Variants in PLEKHA5 observed in about 807,000 individuals in gnomAD.
The protein encoded by PLEKHA5 is pleckstrin homology domain containing A5, also known as pleckstrin homology domain-containing family A member 5.
Under a neutral mutation model 181.9 loss-of-function variants are expected in PLEKHA5, and 55 were observed. That is an observed-to-expected ratio of 0.30 (90% confidence interval 0.24 to 0.38). The LOEUF (loss-of-function observed/expected upper bound fraction) is 0.38. Ranked by LOEUF, PLEKHA5 falls within the 10% of genes least tolerant of loss-of-function variation. The probability of loss-of-function intolerance (pLI) is 1.00; values close to 1 mark genes in which losing one functional copy is unlikely to be tolerated. For missense variants in PLEKHA5, 1,432 were observed against 1,549.5 expected, an observed-to-expected ratio of 0.92 and a Z score of 1.27; for synonymous variants, 535 against 529.4, an observed-to-expected ratio of 1.01 and a Z score of -0.15.
chr12:19,196,336 A>G (rs2052726726), intron 3 of PLEKHA5, among the ~76,000 whole-genome samples: 1 of 152,226 alleles, frequency 6.6e-6, no homozygotes, highest in African/African-American at 2.4e-5. Context: ...AAAATCTTGT[A>G]TATTGTTAAA....
At chr12:19,290,291 A>G (rs181430106) in intron 13 of PLEKHA5, among the ~76,000 whole-genome samples, 2 of 152,322 alleles carry the variant, frequency 1.3e-5, no homozygotes, top group East Asian at 3.9e-4. Flanking sequence ...AGGTATTTGT[A>G]CTATTGCTGG....
At chr12:19,222,590 A>C (rs1430765563) in intron 3 of PLEKHA5, among the ~76,000 whole-genome samples, 1 of 152,216 alleles carries the variant, frequency 6.6e-6, no homozygotes, top group Non-Finnish European at 1.5e-5. Flanking sequence ...TCAATTAATA[A>C]TATATAAATA....
intron 7 of PLEKHA5, among the ~76,000 whole-genome samples, chr12:19,263,983 T>C (rs866227229): frequency 6.6e-6 from 1 of 152,118 alleles, no homozygotes; most frequent in Non-Finnish European, 1.5e-5. Flanking sequence ...AGGCTTGATA[T>C]AGAACTAAAC....
At chr12:19,241,009 A>G (rs2062472229) in intron 3 of PLEKHA5, among the ~76,000 whole-genome samples, 1 of 152,184 alleles carries the variant, frequency 6.6e-6, no homozygotes, top group Non-Finnish European at 1.5e-5. Context: ...ATTCAACAGT[A>G]AACTTTAACC....
intron 11 of PLEKHA5, among the ~76,000 whole-genome samples, chr12:19,280,850 A>G (rs910317751): frequency 2.6e-5 from 4 of 151,338 alleles, no homozygotes; most frequent in Non-Finnish European, 4.4e-5. Flanking sequence ...AGCTGGAACT[A>G]CAGGCGTGCG....
intron 3 of PLEKHA5, among the ~76,000 whole-genome samples, chr12:19,217,686 C>T (rs548778214): frequency 4.6e-5 from 7 of 152,168 alleles, no homozygotes; most frequent in African/African-American, 1.7e-4. Context: ...TCAAAAGCTG[C>T]GTAGACATCA....
chr12:19,224,992 A>T (rs554810681), intron 3 of PLEKHA5, among the ~76,000 whole-genome samples: 1 of 152,288 alleles, frequency 6.6e-6, no homozygotes, highest in South Asian at 2.1e-4. Context: ...GCAAGACCTC[A>T]TCGCCATAAA....
intron 11 of PLEKHA5, among the ~76,000 whole-genome samples, chr12:19,276,725 G>A (rs1173426829): frequency 1.3e-5 from 2 of 152,174 alleles, no homozygotes; most frequent in Non-Finnish European, 2.9e-5. Context: ...GGCAACTAGG[G>A]TGATTTGGTG....
chr12:19,253,537 C>T (rs1478198370), intron 3 of PLEKHA5, among the ~76,000 whole-genome samples: 1 of 151,992 alleles, frequency 6.6e-6, no homozygotes, highest in Non-Finnish European at 1.5e-5. Context: ...AGGCTGGCGG[C>T]CAGGTGCCGT....
intron 11 of PLEKHA5, among the ~76,000 whole-genome samples, chr12:19,282,442 G>A: frequency 6.6e-6 from 1 of 152,150 alleles, no homozygotes; most frequent in Admixed American, 6.5e-5. Flanking sequence ...GAAAAGCTAT[G>A]AAAGGAAGTT....
chr12:19,352,934 C>G (rs2094686421), intron 25 of PLEKHA5, among the ~76,000 whole-genome samples: 1 of 149,976 alleles, frequency 6.7e-6, no homozygotes, highest in Admixed American at 6.7e-5. Flanking sequence ...AGGTGTACAC[C>G]ACCACACCCA....
chr12:19,173,169 G>A (rs1182517092), intron 3 of PLEKHA5, among the ~76,000 whole-genome samples: 3 of 149,280 alleles, frequency 2.0e-5, no homozygotes, highest in Non-Finnish European at 4.5e-5. Flanking sequence ...GACTACAGGC[G>A]CCCGCCACCG....
chr12:19,336,451 T>G, intron 20 of PLEKHA5, 64 bp from the exon 21 acceptor site: 1 of 805,582 alleles, frequency 1.2e-6, no homozygotes, highest in Middle Eastern at 2.3e-4. Context: ...AAGTTACAAT[T>G]GGAGTGATAA....
chr12:19,164,135 G>C (rs1035263856), intron 3 of PLEKHA5, among the ~76,000 whole-genome samples: 1 of 150,770 alleles, frequency 6.6e-6, no homozygotes, highest in Non-Finnish European at 1.5e-5. Flanking sequence ...TTCTGAAAAG[G>C]CTTCTTTTAA....
chr12:19,171,910 C>T (rs1298914237), intron 3 of PLEKHA5, among the ~76,000 whole-genome samples: 1 of 152,112 alleles, frequency 6.6e-6, no homozygotes, highest in African/African-American at 2.4e-5. Context: ...ATTCTACCAC[C>T]ACATCTTGTC....
chr12:19,343,448 G>A lies in PLEKHA5; in HGVS notation c.2662+14G>A, dbSNP rs1334954055. 6.9e-7 allele frequency: 1 copy of A among 1,455,344 alleles called. No homozygotes were observed. The highest frequency in any genetic ancestry group is 9.6e-7 in the Non-Finnish European group (1 of 1,036,322). The allele number at this position is 1,455,344 out of a possible 1,614,324, so 90.2% of individuals were successfully genotyped here. ...CTACAGAAATAGGTAAATTAGCTTT[G>A]CATTTTATTTTGTGACTGACCACAG... On this transcript the variant is annotated intron_variant, in intron 22 of 31. Coordinates refer to ENST00000429027, the MANE Select transcript of PLEKHA5 (RefSeq NM_001256470.2).
rs1222333808 is a variant in PLEKHA5, at chr12:19,307,214, A to G, written c.2038-7600A>G. 15 of 580,220 alleles carry G rather than the reference A, an allele frequency of 2.6e-5. No homozygotes were observed. In the Admixed American group the frequency reaches 3.3e-4, roughly 13 times the overall value. The allele number at this position is 580,220 out of a possible 1,614,324, so 35.9% of individuals were successfully genotyped here. ...GGGGCCCCACATGGTGGCTCAGGCCAGTAATCCCAGAGCTTTGGGAGGCTG... is the reference window on the plus strand; with the variant it reads ...GGGGCCCCACATGGTGGCTCAGGCCGGTAATCCCAGAGCTTTGGGAGGCTG... On this transcript the variant is annotated intron_variant, in intron 15 of 31. Transcript: ENST00000429027.
intron 3 of PLEKHA5, among the ~76,000 whole-genome samples, chr12:19,212,451 C>T (rs1173013570): frequency 3.3e-5 from 5 of 152,118 alleles, no homozygotes; most frequent in African/African-American, 2.4e-5. Flanking sequence ...GAGGCCGAGG[C>T]GGGCTGATCA....
chr12:19,214,361 T>C (rs558108710), intron 3 of PLEKHA5, among the ~76,000 whole-genome samples: 2 of 152,164 alleles, frequency 1.3e-5, no homozygotes, highest in Admixed American at 1.3e-4. Context: ...ATAGGGAGAA[T>C]AGAATTAAGA....
Sources: gnomAD v4.1 joint callset for allele counts (sites outside exome capture counted in the v4.1 genomes callset) on GRCh38, gnomAD v4.1.1 for gene constraint, MANE v1.5 for transcripts, NCBI Gene and HGNC (gene_info 2026-07-23, HGNC 2026-07-21) for gene names.